Variants in STX12 observed in about 807,000 individuals in gnomAD.
STX12 encodes the protein syntaxin-12.
STX12 carries 17 observed loss-of-function variants against 42.2 expected under a neutral mutation model. The observed-to-expected ratio is 0.40, with a 90% confidence interval of 0.28 to 0.60. The LOEUF is 0.60. Among genes scored for constraint, STX12 ranks in the 20% least tolerant of loss-of-function variants. The pLI is 0.39. For missense variants in STX12, 297 were observed against 330.9 expected, an observed-to-expected ratio of 0.90 and a Z score of 0.79; for synonymous variants, 108 against 116.7, an observed-to-expected ratio of 0.93 and a Z score of 0.48.
At chr1:27,776,926 T>C (rs1290117975) in intron 1 of STX12, among the ~76,000 whole-genome samples, 1 of 152,178 alleles carries the variant, frequency 6.6e-6, no homozygotes, top group African/African-American at 2.4e-5. Flanking sequence ...ACATGACTTA[T>C]TCATCTTTAT....
intron 2 of STX12, among the ~76,000 whole-genome samples, chr1:27,791,776 C>T (rs896905088): frequency 1.3e-5 from 2 of 151,830 alleles, no homozygotes; most frequent in African/African-American, 4.8e-5. Flanking sequence ...GATCACATCA[C>T]TGCACTCCAG....
At chr1:27,820,270 CT>C (rs1331254533) in intron 8 of STX12, 4 of 152,192 alleles carry the variant, frequency 2.6e-5, no homozygotes, top group Non-Finnish European at 5.9e-5. Flanking sequence ...TGAATGAAGT[CT>C]TTCTCACTTC....
chr1:27,786,271 T>C (rs1571518368), intron 1 of STX12, among the ~76,000 whole-genome samples: 1 of 151,336 alleles, frequency 6.6e-6, no homozygotes, highest in Non-Finnish European at 1.5e-5. Context: ...TACCCTTGCT[T>C]TGGGGACTTT....
At chr1:27,780,829 G>A (rs1197607365) in intron 1 of STX12, among the ~76,000 whole-genome samples, 2 of 151,794 alleles carry the variant, frequency 1.3e-5, no homozygotes. Context: ...GCACACACCT[G>A]TAGTCCCAGC....
chr1:27,810,231 C>A lies in STX12; in HGVS notation c.427-15C>A. 1 of 1,613,166 alleles carries A rather than the reference C, an allele frequency of 6.2e-7. No individual in the cohort carries two copies. Among genetic ancestry groups the A allele is most frequent in the South Asian group, 1.1e-5 (1 of 91,046 alleles). ...TTTCTGGATGACAGCAGCAATAATA[C>A]CATCTACTTTCTAGGCAGAAGAGAG... On this transcript the variant is annotated splice_polypyrimidine_tract_variant and intron_variant, in intron 4 of 8. Transcript: ENST00000373943.
chr1:27,791,800 G>A (rs1190779719), intron 2 of STX12, among the ~76,000 whole-genome samples: 1 of 151,800 alleles, frequency 6.6e-6, no homozygotes, highest in Non-Finnish European at 1.5e-5. Flanking sequence ...AGGTGACAGA[G>A]CAAGACTCTG....
intron 1 of STX12, among the ~76,000 whole-genome samples, chr1:27,779,868 C>T (rs138461675): frequency 0.051 from 7,787 of 151,578 alleles, 673 homozygotes; most frequent in African/African-American, 0.18. Flanking sequence ...CTCGGCTCAC[C>T]ACAACCTCTG....
At chr1:27,806,130 A>C (rs1034078826) in intron 4 of STX12, among the ~76,000 whole-genome samples, 1 of 152,202 alleles carries the variant, frequency 6.6e-6, no homozygotes, top group Admixed American at 6.6e-5. Flanking sequence ...AAAGTATTTA[A>C]ATATTGGGAA....
chr1:27,780,206 C>CATG (rs2088658644), intron 1 of STX12, among the ~76,000 whole-genome samples: 1 of 140,704 alleles, frequency 7.1e-6, no homozygotes, highest in Non-Finnish European at 1.5e-5. Context: ...TTTTTCTTTG[C>CATG]TTGTTTTTTT....
At chr1:27,780,356 G>A (rs2088660265) in intron 1 of STX12, among the ~76,000 whole-genome samples, 1 of 151,470 alleles carries the variant, frequency 6.6e-6, no homozygotes, top group South Asian at 2.1e-4. Context: ...TTACAGGCGT[G>A]CACCACATGC....
chr1:27,787,731 A>G (rs552903403), intron 1 of STX12, among the ~76,000 whole-genome samples: 8 of 152,200 alleles, frequency 5.3e-5, no homozygotes, highest in African/African-American at 1.9e-4. Context: ...AATACATTTT[A>G]GCTTACTTTT....
At chr1:27,796,061 ATCT>A (rs1214286213) in intron 3 of STX12, among the ~76,000 whole-genome samples, 1 of 152,190 alleles carries the variant, frequency 6.6e-6, no homozygotes, top group East Asian at 1.9e-4. Flanking sequence ...TTCATCAAAC[ATCT>A]TCTAAAACCA....
rs112069322 is a variant in STX12 at position 27,813,177 on chromosome 1, CT to C, written c.576+923del. The stretch of plus-strand genomic sequence containing the variant: ...TTTGCACAGTGACTAATAAAATATC[CT>C]TTTTTTTTTTTTTCCGAGACTAAGT... On this transcript the variant is annotated intron_variant, in intron 6 of 8. Coordinates refer to ENST00000373943, the MANE Select transcript of STX12 (RefSeq NM_177424.3). Among the ~76,000 whole-genome samples the C allele has an allele frequency of 4.9e-3, 703 of 144,004 alleles. 3 individuals are homozygous for C. Among genetic ancestry groups the C allele is most frequent in the South Asian group, 0.016 (72 of 4,532 alleles). 94.5% of individuals were successfully genotyped at this position (144,004 alleles called of 152,430 possible).
At chr1:27,816,335 G>A (rs566464420) in intron 6 of STX12, among the ~76,000 whole-genome samples, 1 of 151,854 alleles carries the variant, frequency 6.6e-6, no homozygotes, top group Non-Finnish European at 1.5e-5. Flanking sequence ...ATAGCCGGGC[G>A]TGGTGGTGCA....
At chr1:27,773,896 C>CT (rs2088612289) in intron 1 of STX12, 1 of 161,812 alleles carries the variant, frequency 6.2e-6, no homozygotes, top group South Asian at 1.5e-4. Flanking sequence ...AAATCAGCAA[C>CT]TTTCAATTAA....
At chr1:27,782,618 G>A (rs948420778) in intron 1 of STX12, among the ~76,000 whole-genome samples, 44 of 152,038 alleles carry the variant, frequency 2.9e-4, no homozygotes, top group Non-Finnish European at 5.3e-4. Context: ...TGGGCAGATC[G>A]CCTCAGGTCA....
chr1:27,824,239 A>G lies in STX12; in HGVS notation c.*1910A>G, dbSNP rs1281571014. On this transcript the variant is annotated 3_prime_UTR_variant, in exon 9 of 9. Transcript: ENST00000373943. ...CATTTGTAACATTGTAGGAAAGAAA[A>G]AAGTCTTGGTTGTGAAAAACGATTT... 1 of 152,184 alleles carries G rather than the reference A, an allele frequency of 6.6e-6. No individual in the cohort carries two copies. The highest frequency in any genetic ancestry group is 1.5e-5 in the Non-Finnish European group (1 of 68,030). 9.4% of individuals were successfully genotyped at this position (152,184 alleles called of 1,614,324 possible). A position where few individuals can be genotyped will look rare whatever the true frequency, so the allele number is the denominator to read the frequency against.
intron 3 of STX12, 109 bp downstream of exon 3, chr1:27,793,741 ACCT>A: frequency 1.3e-6 from 1 of 750,384 alleles, no homozygotes; most frequent in Non-Finnish European, 2.2e-6. Context: ...AGATAGATAG[ACCT>A]CCTCTGCACC....
chr1:27,809,603 C>T (rs1464924670), intron 4 of STX12, among the ~76,000 whole-genome samples: 4 of 151,490 alleles, frequency 2.6e-5, no homozygotes, highest in African/African-American at 9.7e-5. Context: ...ACTACAGGTG[C>T]CCGCCACCAC....
Sources: allele counts gnomAD v4.1 joint callset (sites outside exome capture counted in the v4.1 genomes callset), GRCh38; gene constraint gnomAD v4.1.1; transcripts MANE v1.5; gene names NCBI Gene and HGNC (gene_info 2026-07-23, HGNC 2026-07-21).